SLAMF9: variants seen among roughly 807,000 people sequenced by gnomAD.
SLAMF9 encodes CD2 family member 10.
Under a neutral mutation model 30.4 loss-of-function variants are expected in SLAMF9, and 25 were observed. That is an observed-to-expected ratio of 0.82 (90% CI 0.60 to 1.15). The LOEUF is 1.15. SLAMF9 is among the 50% of genes most tolerant of loss of function. The probability of loss-of-function intolerance (pLI) is 0.00; values close to 1 mark genes in which losing one functional copy is unlikely to be tolerated. For synonymous variants in SLAMF9, 129 were observed against 127.2 expected (o/e 1.01, Z -0.09); for missense variants, 344 against 346.1 (o/e 0.99, Z 0.05).
chr1:159,966,939 TTG>T, the SLAMF9 span, among the ~76,000 whole-genome samples: 1 of 152,316 alleles, frequency 6.6e-6, no homozygotes, highest in East Asian at 1.9e-4. Context: ...TTTTGTTTTT[TTG>T]TTTGTTTTTG....
upstream of SLAMF9, among the ~76,000 whole-genome samples, chr1:159,957,120 TC>T (rs1651938375): frequency 2.9e-4 from 1 of 3,482 alleles, no homozygotes; most frequent in East Asian, 0.012. Context: ...AGACTCTGTC[TC>T]AAAAAAAAAA....
At chr1:159,980,976 A>G in the SLAMF9 span, among the ~76,000 whole-genome samples, 1 of 152,232 alleles carries the variant, frequency 6.6e-6, no homozygotes, top group East Asian at 1.9e-4. Flanking sequence ...GCCTGCATAC[A>G]CTAAGGGACC....
At chr1:159,973,729 A>C in the SLAMF9 span, 1 of 1,397,074 alleles carries the variant, frequency 7.2e-7, no homozygotes, top group East Asian at 2.3e-5. Flanking sequence ...CCAGAGAGCT[A>C]CTGATCTCTA....
chr1:159,980,320 C>T, the SLAMF9 span, among the ~76,000 whole-genome samples: 43 of 152,206 alleles, frequency 2.8e-4, no homozygotes, highest in African/African-American at 9.9e-4. Context: ...CAGCCTCTTC[C>T]CCTCTGCCAC....
At chr1:159,957,850 T>C (rs1478529125), upstream of SLAMF9, among the ~76,000 whole-genome samples, 1 of 127,826 alleles carries the variant, frequency 7.8e-6, no homozygotes, top group Non-Finnish European at 1.7e-5. Context: ...ATGAGTATAA[T>C]GCTCAGAGCT....
chr1:159,962,084 G>A, the SLAMF9 span, among the ~76,000 whole-genome samples: 1 of 152,030 alleles, frequency 6.6e-6, no homozygotes, highest in Non-Finnish European at 1.5e-5. Flanking sequence ...CTTGAACCCA[G>A]GAGCTAGAGG....
chr1:159,975,681 T>C, the SLAMF9 span, among the ~76,000 whole-genome samples: 9 of 151,982 alleles, frequency 5.9e-5, no homozygotes, highest in African/African-American at 2.2e-4. Context: ...CTATTGCAAT[T>C]GCCTGGGCAA....
chr1:159,954,530 T>G (rs2789415), upstream of SLAMF9, among the ~76,000 whole-genome samples: 132,608 of 152,118 alleles, frequency 0.87, 58,266 homozygotes, highest in East Asian at 1. Context: ...AGGATATTCT[T>G]CCCTAGCTCT....
Position 159,953,656 on chromosome 1 carries a change from A to G in SLAMF9, c.47-3T>C, listed in dbSNP as rs1651850224. 1.9e-6 allele frequency: 3 copies of G among 1,587,452 alleles called. No homozygotes were observed. The highest frequency in any genetic ancestry group is 2.6e-6 in the Non-Finnish European group (3 of 1,163,674). ...TCTCCAGAGTCTCCTTTGGCTGCCT[A>G]TGCAGGAAGAAAAGAGAAGCAAACA... On this transcript the variant is annotated splice_polypyrimidine_tract_variant and splice_region_variant and intron_variant, in intron 1 of 3. Transcript: ENST00000368093.
upstream of SLAMF9, among the ~76,000 whole-genome samples, chr1:159,954,527 T>A (rs1019877908): frequency 6.6e-6 from 1 of 152,194 alleles, no homozygotes; most frequent in African/African-American, 2.4e-5. Context: ...CCCAGGATAT[T>A]CTTCCCTAGC....
chr1:159,952,501 A>C lies in SLAMF9; in HGVS notation c.425T>G (p.Phe142Cys). Residue 142 changes from phenylalanine (F) to cysteine (C), a missense_variant, in exon 3 of 4, where the codon TTT becomes TGT. By Grantham distance (205) the Phe-to-Cys change is radical. Coordinates refer to ENST00000368093, the MANE Select transcript of SLAMF9 (RefSeq NM_033438.4). ...GCAGGCACCTTCCCCAGAACTCTCA[A>C]AGTTCACAGTGATCTGGGGCTCTGA... Reference protein sequence around the residue: ...WLSEPQITVNFESSGEGACSM... With the variant: ...WLSEPQITVNCESSGEGACSM... 6.2e-7 allele frequency: 1 copy of C among 1,614,000 alleles called. No homozygotes were observed. Among genetic ancestry groups the C allele is most frequent in the Non-Finnish European group, 8.5e-7 (1 of 1,179,962 alleles).
the SLAMF9 span, among the ~76,000 whole-genome samples, chr1:159,968,352 A>G: frequency 1.3e-5 from 2 of 152,196 alleles, no homozygotes; most frequent in African/African-American, 4.8e-5. Flanking sequence ...TGCATGCCTC[A>G]TCTCTGATGT....
In SLAMF9 at chr1:159,951,781, C is replaced by T. The variant is rs1236451128; in HGVS notation, c.750G>A (p.Leu250=). 7 of 1,614,124 alleles carry T rather than the reference C, an allele frequency of 4.3e-6. No homozygotes were observed. Among genetic ancestry groups the T allele is most frequent in the African/African-American group, 1.3e-5 (1 of 75,010 alleles). ...GLLIFLLLVI[L]AMGLWVIRVQ... is the part of the protein sequence containing the mutation. Reference sequence around the variant, plus strand: ...CTCGGATGACCCAGAGTCCCATGGCCAGAATTACCAAGAGCAAGAAGATGA... The same window carrying T: ...CTCGGATGACCCAGAGTCCCATGGCTAGAATTACCAAGAGCAAGAAGATGA... The change falls in exon 4 of 4, where the codon CTG becomes CTA. Residue 250 remains leucine, a synonymous_variant. Transcript: ENST00000368093.
Position 159,952,480 on chromosome 1 carries a change from G to A in SLAMF9, c.446C>T (p.Ala149Val), listed in dbSNP as rs1651788497. Residue 149 changes from alanine (A) to valine (V), a missense_variant, in exon 3 of 4, where the codon GCC becomes GTC. Coordinates refer to ENST00000368093, the MANE Select transcript of SLAMF9 (RefSeq NM_033438.4). ...TVNFESSGEG[A>V]CSMSLVCSVE... Reference sequence around the variant, plus strand: ...AGAGCACACCAGGGACATACTGCAGGCACCTTCCCCAGAACTCTCAAAGTT... The same window carrying A: ...AGAGCACACCAGGGACATACTGCAGACACCTTCCCCAGAACTCTCAAAGTT... The A allele has an allele frequency of 6.2e-7, 1 of 1,614,066 alleles. No homozygotes were observed.
rs776700547 is a variant in SLAMF9 at position 159,952,351 on chromosome 1, C to G, written c.575G>C (p.Gly192Ala). ...GCAGGTGTAGGAGAGGGCACTGTCC[C>G]CCGGCCTCCAGGATGTGCTGAGGAC... ...GPVLSTSWRP[G>A]DSALSYTCRA... is the part of the protein sequence containing the mutation. Residue 192 changes from glycine to alanine, a missense_variant, in exon 3 of 4, where the codon GGG (glycine) becomes GCG (alanine). Gly to Ala is a moderately conservative substitution (Grantham distance 60). Coordinates refer to ENST00000368093, the MANE Select transcript of SLAMF9 (RefSeq NM_033438.4). 1.2e-6 allele frequency: 2 copies of G among 1,613,956 alleles called. No individual in the cohort carries two copies. The highest frequency in any genetic ancestry group is 1.7e-6 in the Non-Finnish European group (2 of 1,180,012).
the SLAMF9 span, chr1:159,976,544 C>CT: frequency 6.6e-6 from 1 of 152,084 alleles, no homozygotes; most frequent in East Asian, 1.9e-4. Context: ...CTTCTTTGTT[C>CT]TTTTTTAAAA....
intron 2 of SLAMF9, 141 bp from the exon 3 acceptor site, chr1:159,952,675 C>T (rs940184565): frequency 1.1e-5 from 9 of 851,980 alleles, no homozygotes; most frequent in Admixed American, 2.6e-5. Context: ...GCAAACAAAC[C>T]CAACCACCAT....
the SLAMF9 span, among the ~76,000 whole-genome samples, chr1:159,969,639 C>A: frequency 3.9e-5 from 6 of 152,188 alleles, no homozygotes; most frequent in African/African-American, 1.4e-4. Context: ...ACTAGAATAG[C>A]TGGATTTTCA....
chr1:159,960,627 G>A, the SLAMF9 span, among the ~76,000 whole-genome samples: 2 of 152,126 alleles, frequency 1.3e-5, no homozygotes, highest in South Asian at 4.2e-4. Context: ...TACTACGCCT[G>A]GCTAATTTTT....
Sources: allele counts gnomAD v4.1 joint callset (sites outside exome capture counted in the v4.1 genomes callset), GRCh38; gene constraint gnomAD v4.1.1; transcripts MANE v1.5; gene names NCBI Gene and HGNC (gene_info 2026-07-23, HGNC 2026-07-21).